The following OR2L13 variants were observed in gnomAD, a reference collection of about 807,000 sequenced individuals.
The protein encoded by OR2L13 is olfactory receptor family 2 subfamily L member 13.
A neutral mutation model predicts 15.3 loss-of-function variants in OR2L13; 14 were observed. The ratio of observed to expected loss-of-function variants is 0.91; its 90% CI spans 0.60 to 1.43. The LOEUF is 1.43. OR2L13 is among the 40% of genes most tolerant of loss of function. The pLI, the probability that OR2L13 is intolerant of heterozygous loss-of-function variation, is 0.00. For synonymous variants in OR2L13, 152 were observed against 142.9 expected, an observed-to-expected ratio of 1.06 and a Z score of -0.45; for missense variants, 367 against 387.9, an observed-to-expected ratio of 0.95 and a Z score of 0.45.
chr1:248,017,645 A>AG, the OR2L13 span, among the ~76,000 whole-genome samples: 1 of 152,024 alleles, frequency 6.6e-6, no homozygotes, highest in South Asian at 2.1e-4. Context: ...AATGACATGC[A>AG]GGGGGTGAGG....
the OR2L13 span, among the ~76,000 whole-genome samples, chr1:248,028,496 C>G: frequency 3.9e-5 from 6 of 152,214 alleles, no homozygotes; most frequent in Non-Finnish European, 8.8e-5. Context: ...ATTTAAAAAT[C>G]TGTTTGACTT....
chr1:248,019,476 C>T, the OR2L13 span, among the ~76,000 whole-genome samples: 1 of 152,296 alleles, frequency 6.6e-6, no homozygotes, highest in South Asian at 2.1e-4. Flanking sequence ...TTCATTTTGG[C>T]ACTGACTATA....
At position 248,098,819 on chromosome 1, in the gene OR2L13, A is replaced by G. The variant is rs924832740; in HGVS notation, c.-19+44A>G. On this transcript the variant is annotated intron_variant, in intron 2 of 2. Transcript: ENST00000641714. ...CAGATGTTAGAAATATAGTTTACGAATACCTGGGAAACTGCATGAAGAAAA... is the reference window on the plus strand; with the variant it reads ...CAGATGTTAGAAATATAGTTTACGAGTACCTGGGAAACTGCATGAAGAAAA... 2.0e-5 allele frequency: 3 copies of G among 152,728 alleles called. 1 individual carries two copies. Among genetic ancestry groups the G allele is most frequent in the African/African-American group, 7.2e-5 (3 of 41,438 alleles). The allele number at this position is 152,728 out of a possible 1,614,324, so 9.5% of individuals were successfully genotyped here. A position where few individuals can be genotyped will look rare whatever the true frequency, so the allele number is the denominator to read the frequency against.
the OR2L13 span, among the ~76,000 whole-genome samples, chr1:247,971,456 G>A: frequency 2.0e-5 from 3 of 152,114 alleles, no homozygotes; most frequent in Admixed American, 6.6e-5. Flanking sequence ...GTTTAAACCT[G>A]TTTTATTCCC....
chr1:248,047,794 A>C, the OR2L13 span, among the ~76,000 whole-genome samples: 2 of 152,174 alleles, frequency 1.3e-5, no homozygotes, highest in Admixed American at 6.5e-5. Flanking sequence ...TGTAAGTGAT[A>C]GTGATTATGT....
the OR2L13 span, among the ~76,000 whole-genome samples, chr1:248,025,662 C>T: frequency 7.9e-4 from 116 of 146,768 alleles, no homozygotes; most frequent in African/African-American, 1.9e-3. Context: ...ATGTTTATCG[C>T]GGCACTATTC....
chr1:248,047,397 A>G, the OR2L13 span, among the ~76,000 whole-genome samples: 1 of 152,196 alleles, frequency 6.6e-6, no homozygotes, highest in Non-Finnish European at 1.5e-5. Context: ...TTGTTTTTGC[A>G]TAAAAATGTT....
chr1:248,039,410 G>T, the OR2L13 span: 1 of 383,516 alleles, frequency 2.6e-6, no homozygotes, highest in Non-Finnish European at 4.6e-6. Flanking sequence ...TTTGTGTGTG[G>T]TTTTTGTTTG....
the OR2L13 span, among the ~76,000 whole-genome samples, chr1:248,012,787 C>G: frequency 6.6e-6 from 1 of 151,846 alleles, no homozygotes; most frequent in Non-Finnish European, 1.5e-5. Context: ...CATACAATAA[C>G]AATGTATCAA....
the OR2L13 span, among the ~76,000 whole-genome samples, chr1:248,073,069 G>C: frequency 6.5e-4 from 99 of 151,498 alleles, no homozygotes; most frequent in African/African-American, 2.1e-3. Context: ...TCAGTGTGGC[G>C]ATTCCTCAGG....
chr1:248,094,759 C>T (rs1572741048), upstream of OR2L13, among the ~76,000 whole-genome samples: 2 of 152,146 alleles, frequency 1.3e-5, no homozygotes, highest in South Asian at 4.1e-4. Context: ...AATCATTCCC[C>T]CTGGAAACTC....
chr1:247,948,776 T>G, the OR2L13 span: 7 of 1,150,114 alleles, frequency 6.1e-6, no homozygotes, highest in Admixed American at 4.4e-5. Flanking sequence ...GGGCTTGGAA[T>G]GCATCCCCTG....
chr1:248,011,262 G>A, the OR2L13 span, among the ~76,000 whole-genome samples: 2 of 151,852 alleles, frequency 1.3e-5, no homozygotes, highest in East Asian at 3.9e-4. Context: ...TTTTCTTTAA[G>A]GTTGAATATT....
chr1:248,081,507 T>C, the OR2L13 span, among the ~76,000 whole-genome samples: 1 of 152,282 alleles, frequency 6.6e-6, no homozygotes, highest in South Asian at 2.1e-4. Flanking sequence ...GCTCAATATG[T>C]TTTAAAATAA....
chr1:247,991,117 C>T, the OR2L13 span: 2 of 1,606,212 alleles, frequency 1.2e-6, no homozygotes, highest in Admixed American at 1.7e-5. Context: ...CACTCCAATG[C>T]TCAACCCCAT....
the OR2L13 span, chr1:248,061,382 A>G: frequency 1.9e-6 from 3 of 1,614,108 alleles, no homozygotes; most frequent in South Asian, 1.1e-5. Context: ...GAAGGGAGGA[A>G]GAAAGCCTAC....
At chr1:248,029,941 G>GT in the OR2L13 span, 1 of 152,104 alleles carries the variant, frequency 6.6e-6, no homozygotes. Flanking sequence ...ATCCTCTGTT[G>GT]TTAGTGACTC....
At chr1:248,032,389 A>C in the OR2L13 span, among the ~76,000 whole-genome samples, 1 of 152,140 alleles carries the variant, frequency 6.6e-6, no homozygotes, top group African/African-American at 2.4e-5. Context: ...AAACTATTTT[A>C]AGTGTTCAGG....
the OR2L13 span, chr1:248,062,707 G>T: frequency 4.6e-5 from 7 of 152,218 alleles, no homozygotes; most frequent in Admixed American, 3.9e-4. Context: ...TTTATTGTAT[G>T]TATTAAAGAA....
Sources: allele counts gnomAD v4.1 joint callset (sites outside exome capture counted in the v4.1 genomes callset), GRCh38; gene constraint gnomAD v4.1.1; transcripts MANE v1.5; gene names NCBI Gene and HGNC (gene_info 2026-07-23, HGNC 2026-07-21).